RXFP1: variants seen among roughly 807,000 people sequenced by gnomAD.
The protein encoded by RXFP1 is relaxin family peptide receptor 1.
In RXFP1, 73 loss-of-function variants were observed where a neutral mutation model predicts 89.8. That is an observed-to-expected ratio of 0.81 (90% confidence interval 0.67 to 0.99). The LOEUF (loss-of-function observed/expected upper bound fraction) is 0.99, where lower values mean the gene tolerates loss of function less well. RXFP1 is among the 50% of genes least tolerant of loss of function. The pLI is 0.00. For synonymous variants in RXFP1, 277 were observed against 305.5 expected, an observed-to-expected ratio of 0.91 and a Z score of 0.97; for missense variants, 793 against 895.5, an observed-to-expected ratio of 0.89 and a Z score of 1.46.
intron 1 of RXFP1, among the ~76,000 whole-genome samples, chr4:158,531,999 G>A (rs990947449): frequency 6.6e-6 from 1 of 151,990 alleles, no homozygotes; most frequent in Non-Finnish European, 1.5e-5. Flanking sequence ...TATATCGTGT[G>A]ATGCTGAGGC....
At chr4:158,608,986 A>G (rs1305742134) in intron 6 of RXFP1, among the ~76,000 whole-genome samples, 1 of 152,214 alleles carries the variant, frequency 6.6e-6, no homozygotes, top group Non-Finnish European at 1.5e-5. Context: ...TTAGGGCTGA[A>G]TAATAGTCCA....
intron 1 of RXFP1, among the ~76,000 whole-genome samples, chr4:158,556,777 G>C (rs1379153422): frequency 6.6e-6 from 1 of 152,146 alleles, no homozygotes; most frequent in Non-Finnish European, 1.5e-5. Context: ...TATCATTTGT[G>C]ACAACATGGA....
chr4:158,591,585 C>CA (rs556318387), intron 2 of RXFP1, among the ~76,000 whole-genome samples: 6,161 of 82,312 alleles, frequency 0.075, 502 homozygotes, highest in African/African-American at 0.22. Flanking sequence ...CCCATCTCTA[C>CA]AAAAAAAAAA....
chr4:158,646,230 A>G, intron 15 of RXFP1: 2 of 380,406 alleles, frequency 5.3e-6, no homozygotes, highest in South Asian at 2.0e-5. Context: ...CAACTCTGGT[A>G]AGTAATTTAA....
intron 9 of RXFP1, among the ~76,000 whole-genome samples, chr4:158,617,426 A>AATATAT (rs1554017037): frequency 4.0e-5 from 6 of 149,246 alleles, no homozygotes; most frequent in African/African-American, 1.5e-4. Flanking sequence ...TCTCAAAAAA[A>AATATAT]ATATATATAT....
rs770926999 is a variant in RXFP1 at position 158,572,792 on chromosome 4, C to A, written c.144C>A (p.Asn48Lys). The change falls in exon 2 of 18, where the codon AAC (asparagine) becomes AAA (lysine). Residue 48 changes from asparagine to lysine, a missense_variant. Coordinates refer to ENST00000307765, the MANE Select transcript of RXFP1 (RefSeq NM_021634.4). ...GCTTGCCTCAGCTCCTGCACTGTAA[C>A]GGTGTGGACGACTGCGGGAATCAGG... ...TKCLPQLLHC[N>K]GVDDCGNQAD... The A allele has an allele frequency of 3.7e-6, 6 of 1,614,196 alleles. No homozygotes were observed. The highest frequency in any genetic ancestry group is 5.1e-6 in the Non-Finnish European group (6 of 1,180,042).
At chr4:158,592,839 C>T (rs998841260) in intron 2 of RXFP1, among the ~76,000 whole-genome samples, 1 of 151,842 alleles carries the variant, frequency 6.6e-6, no homozygotes, top group Non-Finnish European at 1.5e-5. Context: ...GCCTGTAATC[C>T]CAACACTTTG....
At chr4:158,613,181 C>T (rs776688143) in intron 8 of RXFP1, among the ~76,000 whole-genome samples, 1 of 152,186 alleles carries the variant, frequency 6.6e-6, no homozygotes, top group Non-Finnish European at 1.5e-5. Context: ...GAGTTTTCAG[C>T]GAGTCATAAT....
intron 9 of RXFP1, 82 bp downstream of exon 9, chr4:158,617,287 A>G (rs1764773467): frequency 9.5e-7 from 1 of 1,051,386 alleles, no homozygotes; most frequent in South Asian, 1.5e-5. Flanking sequence ...AGATTGTTTT[A>G]GTTTTTCTTA....
intron 1 of RXFP1, among the ~76,000 whole-genome samples, chr4:158,532,971 C>T (rs1744419589): frequency 1.3e-5 from 2 of 152,184 alleles, no homozygotes; most frequent in African/African-American, 4.8e-5. Flanking sequence ...CTCCCTTCCC[C>T]TACAGAGTTT....
intron 9 of RXFP1, among the ~76,000 whole-genome samples, chr4:158,619,155 C>T (rs1765139800): frequency 6.6e-6 from 1 of 152,044 alleles, no homozygotes; most frequent in Admixed American, 6.6e-5. Flanking sequence ...CTTCAATCAA[C>T]ATGACTCAAT....
At chr4:158,540,007 G>A (rs566190392) in intron 1 of RXFP1, among the ~76,000 whole-genome samples, 58 of 152,288 alleles carry the variant, frequency 3.8e-4, no homozygotes, top group Non-Finnish European at 5.6e-4. Context: ...AGGTAACAAT[G>A]AGGAGATTTT....
intron 9 of RXFP1, among the ~76,000 whole-genome samples, chr4:158,624,304 T>G (rs1186851555): frequency 6.6e-6 from 1 of 152,008 alleles, no homozygotes; most frequent in African/African-American, 2.4e-5. Flanking sequence ...CTTCATCACC[T>G]CAGTTTTCTC....
At chr4:158,561,815 A>G (rs983203868) in intron 1 of RXFP1, among the ~76,000 whole-genome samples, 2 of 151,732 alleles carry the variant, frequency 1.3e-5, no homozygotes, top group African/African-American at 4.8e-5. Flanking sequence ...ATTAGTAGGG[A>G]CAGGGTTTCA....
Position 158,646,833 on chromosome 4 carries a change from G to GA in RXFP1, c.1388_1389insA (p.Phe464LeufsTer2), listed in dbSNP as rs765779541. On this transcript the variant is annotated frameshift_variant, in exon 16 of 18. Coordinates refer to ENST00000307765, the MANE Select transcript of RXFP1 (RefSeq NM_021634.4). LOFTEE classifies it high-confidence loss of function. ...GGAATATATTTATTCGTGATCGGAG[G>GA]CTTTGACCTAAAGTTTCGTGGAGAA... The GA allele has an allele frequency of 3.0e-5, 48 of 1,613,792 alleles. No homozygotes were observed. Among genetic ancestry groups the GA allele is most frequent in the Middle Eastern group, 1.6e-4 (1 of 6,080 alleles).
intron 9 of RXFP1, among the ~76,000 whole-genome samples, chr4:158,626,140 A>ATAGATAGT (rs1554019502): frequency 2.7e-5 from 4 of 147,230 alleles, no homozygotes; most frequent in Non-Finnish European, 5.9e-5. Flanking sequence ...AGATAGATAG[A>ATAGATAGT]TAGATAGATA....
In RXFP1 at chr4:158,608,032, C is replaced by G. The variant is rs1325556509; in HGVS notation, c.525C>G (p.Ser175Arg). 1.9e-6 allele frequency: 3 copies of G among 1,597,982 alleles called. No individual in the cohort carries two copies. The highest frequency in any genetic ancestry group is 2.2e-5 in the South Asian group (2 of 90,524). ...ISIYAFRGLNSLTKLYLSHNR... is the reference protein window; with the variant it reads ...ISIYAFRGLNRLTKLYLSHNR... ...TCTATGCTTTCAGAGGACTGAATAG[C>G]CTTACTAAACTGTAAGTACCAGTGT... Residue 175 changes from serine to arginine, a missense_variant, in exon 6 of 18, where the codon AGC becomes AGG. Coordinates refer to ENST00000307765, the MANE Select transcript of RXFP1 (RefSeq NM_021634.4).
At chr4:158,567,141 A>C (rs957722478) in intron 1 of RXFP1, among the ~76,000 whole-genome samples, 3 of 152,160 alleles carry the variant, frequency 2.0e-5, no homozygotes, top group Non-Finnish European at 4.4e-5. Context: ...CCCGCTTGGC[A>C]GGGCTCGGGA....
At chr4:158,535,119 G>A (rs1180667416) in intron 1 of RXFP1, among the ~76,000 whole-genome samples, 2 of 152,050 alleles carry the variant, frequency 1.3e-5, no homozygotes, top group Non-Finnish European at 2.9e-5. Context: ...TTCCCAGGGA[G>A]AGGAGAGAAG....
Sources: allele counts gnomAD v4.1 joint callset (sites outside exome capture counted in the v4.1 genomes callset), GRCh38; gene constraint gnomAD v4.1.1; transcripts MANE v1.5; gene names NCBI Gene and HGNC (gene_info 2026-07-23, HGNC 2026-07-21).